Variants in PHKB observed in about 807,000 individuals in gnomAD.
PHKB encodes phosphorylase kinase regulatory subunit beta.
PHKB carries 122 observed loss-of-function variants against 152.1 expected under a neutral mutation model. That is an observed-to-expected ratio of 0.80 (90% CI 0.69 to 0.93). PHKB has a LOEUF of 0.93. PHKB is among the 40% of genes least tolerant of loss of function. The pLI is 0.00. For synonymous variants in PHKB, 436 were observed against 464.9 expected (o/e 0.94, Z 0.80); for missense variants, 1,304 against 1,328.4 (o/e 0.98, Z 0.29).
intron 14 of PHKB, among the ~76,000 whole-genome samples, chr16:47,613,890 A>G (rs909773905): frequency 3.3e-5 from 5 of 151,984 alleles, no homozygotes; most frequent in African/African-American, 1.2e-4. Flanking sequence ...GCTTTTTTTC[A>G]CTCAACATAA....
In PHKB at chr16:47,660,918, A is replaced by G. The variant is rs868793765; in HGVS notation, c.2196+99A>G. On this transcript the variant is annotated intron_variant, in intron 22 of 30. Coordinates refer to ENST00000323584, the MANE Select transcript of PHKB (RefSeq NM_000293.3). Reference sequence around the variant, plus strand: ...GTCTTTTTGTCCTGTCAGTGAAGGTAGCAATTAATCTGGAGGTGGATGACT... The same window carrying G: ...GTCTTTTTGTCCTGTCAGTGAAGGTGGCAATTAATCTGGAGGTGGATGACT... The G allele has an allele frequency of 1.1e-5, 14 of 1,235,698 alleles. 1 individual carries two copies. The highest frequency in any genetic ancestry group is 3.8e-4 in the Middle Eastern group (2 of 5,304). The allele number at this position is 1,235,698 out of a possible 1,614,324, so 76.5% of individuals were successfully genotyped here. A position where few individuals can be genotyped will look rare whatever the true frequency, so the allele number is the denominator to read the frequency against.
At chr16:47,461,308 A>G, upstream of PHKB, 1 of 1,501,910 alleles carries the variant, frequency 6.7e-7, no homozygotes. Flanking sequence ...CATTGCTGAC[A>G]GGCGGCCCCG....
At chr16:47,648,697 CT>C in intron 17 of PHKB, 81 bp downstream of exon 17, 4 of 873,738 alleles carry the variant, frequency 4.6e-6, no homozygotes, top group African/African-American at 1.6e-5. Context: ...GCTATGCATC[CT>C]TTTTCATTTT....
chr16:47,478,272 A>T (rs1969903173), intron 1 of PHKB, among the ~76,000 whole-genome samples: 1 of 152,158 alleles, frequency 6.6e-6, no homozygotes, highest in African/African-American at 2.4e-5. Context: ...AAAGAAGTGA[A>T]ATCTAGGTAA....
At chr16:47,465,033 TAGA>T (rs1969643942) in intron 1 of PHKB, among the ~76,000 whole-genome samples, 2 of 152,126 alleles carry the variant, frequency 1.3e-5, no homozygotes, top group African/African-American at 4.8e-5. Context: ...TCTGGCAAGA[TAGA>T]GGAGGAAAAT....
chr16:47,567,452 A>T (rs888315212), intron 7 of PHKB, among the ~76,000 whole-genome samples: 6 of 152,126 alleles, frequency 3.9e-5, no homozygotes, highest in Admixed American at 3.9e-4. Context: ...GAGTCTTTAG[A>T]GTTTTCTAGG....
chr16:47,546,883 G>T (rs781047231), intron 6 of PHKB, among the ~76,000 whole-genome samples: 1 of 152,154 alleles, frequency 6.6e-6, no homozygotes, highest in African/African-American at 2.4e-5. Context: ...CAGTGAGCAA[G>T]GCTCCATGGC....
chr16:47,477,118 CTT>C, intron 1 of PHKB, among the ~76,000 whole-genome samples: 1 of 152,300 alleles, frequency 6.6e-6, no homozygotes, highest in Middle Eastern at 3.4e-3. Context: ...CTAGTGATCT[CTT>C]GTTTTTACAT....
intron 6 of PHKB, chr16:47,529,254 C>T (rs1425857088): frequency 6.6e-6 from 1 of 151,942 alleles, no homozygotes; most frequent in African/African-American, 2.4e-5. Context: ...CTTTGGGAGG[C>T]TGAGGTGGGA....
chr16:47,673,114 G>A (rs1390290020), intron 26 of PHKB, among the ~76,000 whole-genome samples: 2 of 134,510 alleles, frequency 1.5e-5, no homozygotes, highest in African/African-American at 5.4e-5. Context: ...TATTTCAGTT[G>A]GGGAGCAATC....
At chr16:47,569,883 A>G (rs1483421660) in intron 7 of PHKB, among the ~76,000 whole-genome samples, 1 of 152,194 alleles carries the variant, frequency 6.6e-6, no homozygotes, top group African/African-American at 2.4e-5. Context: ...TCGGCCTCCC[A>G]AAGTGCTGGT....
intron 26 of PHKB, among the ~76,000 whole-genome samples, chr16:47,680,360 G>C (rs1973825919): frequency 1.3e-5 from 2 of 152,158 alleles, no homozygotes; most frequent in Admixed American, 1.3e-4. Context: ...GCTCCTCCTT[G>C]TACCTCTGGT....
At chr16:47,553,599 TGGA>T (rs990320310) in intron 7 of PHKB, among the ~76,000 whole-genome samples, 2 of 152,128 alleles carry the variant, frequency 1.3e-5, no homozygotes, top group African/African-American at 4.8e-5. Context: ...TGTGATCCTT[TGGA>T]GGAGAAGAGG....
rs146629348 is a variant in PHKB at position 47,483,190 on chromosome 16, C to T, written c.77-14209C>T. 5.6e-3 allele frequency among the ~76,000 whole-genome samples: 849 copies of T among 151,800 alleles called. 7 individuals carry two copies. The highest frequency in any genetic ancestry group is 7.9e-3 in the Non-Finnish European group (540 of 67,934). ...AGTAGCTGGGATTACAGGCGCCCAC[C>T]ACCACACCCAGCTAAGCTTTGTATT... On this transcript the variant is annotated intron_variant, in intron 1 of 30. Transcript: ENST00000323584.
In PHKB at chr16:47,650,606, C is replaced by T. The variant is rs377747820; in HGVS notation, c.1860C>T (p.Leu620=). 12 of 1,608,098 alleles carry T rather than the reference C, an allele frequency of 7.5e-6. No individual in the cohort carries two copies. In the African/African-American group the frequency reaches 1.2e-4, roughly 16 times the overall value. ...KMHGRPLFLV[L]IREDNIRGSR... The stretch of plus-strand genomic sequence containing the variant: ...ATGGACGTCCACTTTTCCTTGTTCT[C>T]ATCCGGGAAGACAATATAAGGTAGG... Residue 620 remains leucine (L), a synonymous_variant, in exon 19 of 31, where the codon CTC becomes CTT. Transcript: ENST00000323584.
At position 47,544,535 on chromosome 16, in the gene PHKB, G is replaced by A. The variant is rs927304202; in HGVS notation, c.595-2898G>A. The stretch of plus-strand genomic sequence containing the variant: ...ATGTGGTCAATTTTGTAATAAGTGC[G>A]ATGTGTTGCTGAGAAGAATATATAT... On this transcript the variant is annotated intron_variant, in intron 6 of 30. Coordinates refer to ENST00000323584, the MANE Select transcript of PHKB (RefSeq NM_000293.3). Among the ~76,000 whole-genome samples, 6 of 152,184 alleles carry A rather than the reference G, an allele frequency of 3.9e-5. No homozygotes were observed. The East Asian group carries it at 5.8e-4, about 15-fold the overall frequency.
At chr16:47,556,251 G>A (rs532796160) in intron 7 of PHKB, among the ~76,000 whole-genome samples, 27 of 152,230 alleles carry the variant, frequency 1.8e-4, no homozygotes, top group Admixed American at 3.9e-4. Flanking sequence ...CTAATTGAAT[G>A]CCCTTTATTT....
chr16:47,693,626 A>G, intron 28 of PHKB, 119 bp downstream of exon 28: 1 of 1,124,978 alleles, frequency 8.9e-7, no homozygotes, highest in Non-Finnish European at 1.3e-6. Flanking sequence ...TTTTCAAAGA[A>G]GGAATGAAAT....
chr16:47,592,854 T>A (rs533410301), intron 10 of PHKB, among the ~76,000 whole-genome samples: 1 of 152,204 alleles, frequency 6.6e-6, no homozygotes, highest in African/African-American at 2.4e-5. Flanking sequence ...AAAATTTTTT[T>A]AAAAAAAGGA....
Sources: allele counts gnomAD v4.1 joint callset (sites outside exome capture counted in the v4.1 genomes callset), GRCh38; gene constraint gnomAD v4.1.1; transcripts MANE v1.5; gene names NCBI Gene and HGNC (gene_info 2026-07-23, HGNC 2026-07-21).